WNT5A: variants seen among roughly 807,000 people sequenced by gnomAD.
WNT5A encodes the protein protein Wnt-5a.
WNT5A carries 9 observed loss-of-function variants against 42.1 expected under a neutral mutation model. The observed-to-expected ratio is 0.21, with a 90% CI of 0.13 to 0.37. The LOEUF (loss-of-function observed/expected upper bound fraction) is 0.37, where lower values mean the gene tolerates loss of function less well. Ranked by LOEUF, WNT5A falls within the 10% of genes least tolerant of loss-of-function variation. The probability of loss-of-function intolerance (pLI) is 1.00; values close to 1 mark genes in which losing one functional copy is unlikely to be tolerated. For missense variants in WNT5A, 426 were observed against 534.0 expected, an observed-to-expected ratio of 0.80 and a Z score of 1.99; for synonymous variants, 210 against 210.0, an observed-to-expected ratio of 1.00 and a Z score of 0.00.
chr3:55,485,705 A>T (rs1024430826), intron 1 of WNT5A, among the ~76,000 whole-genome samples: 1 of 152,162 alleles, frequency 6.6e-6, no homozygotes, highest in Non-Finnish European at 1.5e-5. Flanking sequence ...ACCTCACCGC[A>T]AGGCCCAAGT....
intron 1 of WNT5A, 95 bp downstream of exon 1, chr3:55,486,885 T>A (rs962523931): frequency 1.3e-5 from 11 of 878,272 alleles, no homozygotes; most frequent in South Asian, 1.2e-4. Context: ...GTTGGGGAAA[T>A]GGAGGGATAG....
intron 2 of WNT5A, 60 bp from the exon 3 acceptor site, chr3:55,479,624 A>G: frequency 2.6e-6 from 4 of 1,529,290 alleles, no homozygotes; most frequent in Non-Finnish European, 3.5e-6. Context: ...GGGCCCCCTG[A>G]AAGCATGTCA....
chr3:55,474,196 G>A (rs1277937926), intron 4 of WNT5A, 141 bp downstream of exon 4: 1 of 1,034,234 alleles, frequency 9.7e-7, no homozygotes, highest in Non-Finnish European at 1.4e-6. Flanking sequence ...GAGACAGAAA[G>A]AGAAGCAGAG....
At chr3:55,474,849 G>A (rs1419463517) in intron 3 of WNT5A, among the ~76,000 whole-genome samples, 1 of 108,062 alleles carries the variant, frequency 9.3e-6, no homozygotes, top group Non-Finnish European at 1.9e-5. Context: ...TAGGAGGTGG[G>A]GAAGCAAGAA....
chr3:55,503,791 A>G, the WNT5A span, among the ~76,000 whole-genome samples: 3 of 152,260 alleles, frequency 2.0e-5, no homozygotes, highest in East Asian at 5.8e-4. Context: ...ACTCCATAAA[A>G]TAAAAAAATT....
chr3:55,486,438 A>G (rs1331184493), intron 1 of WNT5A, among the ~76,000 whole-genome samples: 2 of 152,204 alleles, frequency 1.3e-5, no homozygotes, highest in African/African-American at 2.4e-5. Context: ...CAAGCCTACA[A>G]TCTGGCCTCC....
At chr3:55,495,742 T>G in the WNT5A span, among the ~76,000 whole-genome samples, 1 of 152,216 alleles carries the variant, frequency 6.6e-6, no homozygotes, top group African/African-American at 2.4e-5. Flanking sequence ...CGGTAGTTTT[T>G]AATTTTTAGC....
In WNT5A at chr3:55,480,926, G is replaced by T. The variant is rs764190417; in HGVS notation, c.7-8C>A. The T allele has an allele frequency of 6.6e-7, 1 of 1,515,158 alleles. No individual in the cohort carries two copies. Among genetic ancestry groups the T allele is most frequent in the South Asian group, 1.4e-5 (1 of 72,950 alleles). The allele number at this position is 1,515,158 out of a possible 1,614,324, so 93.9% of individuals were successfully genotyped here. Reference sequence around the variant, plus strand: ...TAATATTCCAATGGACTTCTGGAGAGGGAAGAAAGGAGCAGATGTTTATTG... The same window carrying T: ...TAATATTCCAATGGACTTCTGGAGATGGAAGAAAGGAGCAGATGTTTATTG... On this transcript the variant is annotated splice_region_variant and splice_polypyrimidine_tract_variant and intron_variant, in intron 1 of 4. Coordinates refer to ENST00000264634, the MANE Select transcript of WNT5A (RefSeq NM_003392.7).
intron 4 of WNT5A, among the ~76,000 whole-genome samples, chr3:55,473,380 C>G (rs1482442885): frequency 6.6e-6 from 1 of 152,208 alleles, no homozygotes; most frequent in African/African-American, 2.4e-5. Flanking sequence ...AATAATGGCC[C>G]TGGTTTTCAA....
chr3:55,497,211 C>A, the WNT5A span, among the ~76,000 whole-genome samples: 1 of 152,220 alleles, frequency 6.6e-6, no homozygotes, highest in Non-Finnish European at 1.5e-5. Flanking sequence ...GTAAACATAT[C>A]CTGGATGTTA....
At position 55,470,188 on chromosome 3, in the gene WNT5A, G is replaced by C. The variant is rs372423949; in HGVS notation, c.1047C>G (p.Thr349=). 1 of 1,614,048 alleles carries C rather than the reference G, an allele frequency of 6.2e-7. No homozygotes were observed. The highest frequency in any genetic ancestry group is 2.2e-5 in the East Asian group (1 of 44,878). ...TGCAGTGGCAGCGCTCCGTCTGCAC[G>C]GTCTTGAACTGGTCGTAGCCACGGC... is the stretch of plus-strand genomic sequence containing the variant. ...CCGRGYDQFK[T]VQTERCHCKF... The change falls in exon 5 of 5, where the codon ACC becomes ACG. Residue 349 remains threonine, a synonymous_variant. Coordinates refer to ENST00000264634, the MANE Select transcript of WNT5A (RefSeq NM_003392.7).
At chr3:55,485,564 G>T (rs1168714720) in intron 1 of WNT5A, among the ~76,000 whole-genome samples, 3 of 152,118 alleles carry the variant, frequency 2.0e-5, no homozygotes, top group Non-Finnish European at 2.9e-5. Context: ...TCGGCCCGCG[G>T]TTCGCTGCGC....
Position 55,479,313 on chromosome 3 carries a change from C to T in WNT5A, c.391+1G>A, listed in dbSNP as rs1395407700. 6.6e-7 allele frequency: 1 copy of T among 1,526,434 alleles called. No homozygotes were observed. Among genetic ancestry groups the T allele is most frequent in the Admixed American group, 2.0e-5 (1 of 48,942 alleles). 94.6% of individuals were successfully genotyped at this position (1,526,434 alleles called of 1,614,324 possible). A position where few individuals can be genotyped will look rare whatever the true frequency, so the allele number is the denominator to read the frequency against. ...AAAAAATATTTTAAATGTTTTCCTA[C>T]CTATCTGCATCACCCTGCCAAAAAC... On this transcript the variant is annotated splice_donor_variant, in intron 3 of 4. Transcript: ENST00000264634. LOFTEE classifies it high-confidence loss of function.
At chr3:55,504,473 T>C in the WNT5A span, among the ~76,000 whole-genome samples, 789 of 103,768 alleles carry the variant, frequency 7.6e-3, 5 homozygotes, top group African/African-American at 0.024. Flanking sequence ...GTAAACCCCT[T>C]TTTTTTTTTT....
chr3:55,467,105 A>C lies in WNT5A; in HGVS notation c.*2987T>G, dbSNP rs1250148158. ...AGACCCGGGCTTTCTTTTTATAAAAACTGCTTTCAAAGGGCATAGAGACAC... is the reference window on the plus strand; with the variant it reads ...AGACCCGGGCTTTCTTTTTATAAAACCTGCTTTCAAAGGGCATAGAGACAC... On this transcript the variant is annotated 3_prime_UTR_variant, in exon 5 of 5. Transcript: ENST00000264634. 1 of 152,170 alleles carries C rather than the reference A, an allele frequency of 6.6e-6. No homozygotes were observed. The highest frequency in any genetic ancestry group is 2.4e-5 in the African/African-American group (1 of 41,440). The allele number at this position is 152,170 out of a possible 1,614,324, so 9.4% of individuals were successfully genotyped here.
At position 55,480,950 on chromosome 3, in the gene WNT5A, T is replaced by C. The variant is rs1375714521; in HGVS notation, c.7-32A>G. Reference sequence around the variant, plus strand: ...AGGGAAGAAAGGAGCAGATGTTTATTGCCTCTCAGATAATTTTCAAGCATA... The same window carrying C: ...AGGGAAGAAAGGAGCAGATGTTTATCGCCTCTCAGATAATTTTCAAGCATA... On this transcript the variant is annotated intron_variant, in intron 1 of 4. Coordinates refer to ENST00000264634, the MANE Select transcript of WNT5A (RefSeq NM_003392.7). The C allele has an allele frequency of 2.8e-6, 4 of 1,447,206 alleles. No homozygotes were observed. In the African/African-American group the frequency reaches 4.3e-5, roughly 15 times the overall value. The allele number at this position is 1,447,206 out of a possible 1,614,324, so 89.6% of individuals were successfully genotyped here.
chr3:55,481,462 A>G, intron 1 of WNT5A: 1 of 236,650 alleles, frequency 4.2e-6, no homozygotes, highest in Non-Finnish European at 6.5e-6. Context: ...GGATGGGGGC[A>G]GGACGCGGGA....
chr3:55,467,101 A>G lies in WNT5A; in HGVS notation c.*2991T>C, dbSNP rs1372054159. 6.6e-6 allele frequency: 1 copy of G among 152,182 alleles called. No individual in the cohort carries two copies. The highest frequency in any genetic ancestry group is 1.5e-5 in the Non-Finnish European group (1 of 68,028). 9.4% of individuals were successfully genotyped at this position (152,182 alleles called of 1,614,324 possible). On this transcript the variant is annotated 3_prime_UTR_variant, in exon 5 of 5. Transcript: ENST00000264634. ...CTGCAGACCCGGGCTTTCTTTTTAT[A>G]AAAACTGCTTTCAAAGGGCATAGAG...
At chr3:55,472,116 A>C (rs1277160162) in intron 4 of WNT5A, among the ~76,000 whole-genome samples, 1 of 152,184 alleles carries the variant, frequency 6.6e-6, no homozygotes, top group Admixed American at 6.5e-5. Context: ...AGAGCAAAAA[A>C]AACTGTCTTC....
Sources: gnomAD v4.1 joint callset for allele counts (sites outside exome capture counted in the v4.1 genomes callset) on GRCh38, gnomAD v4.1.1 for gene constraint, MANE v1.5 for transcripts, NCBI Gene and HGNC (gene_info 2026-07-23, HGNC 2026-07-21) for gene names.